Variants in CCR3 observed in about 807,000 individuals in gnomAD.
CCR3 encodes C-C motif chemokine receptor 3.
For synonymous variants in CCR3, 203 were observed against 179.2 expected (o/e 1.13, Z -1.06); for missense variants, 419 against 437.5 (o/e 0.96, Z 0.38).
At chr3:46,212,049 C>A (rs1699720809) in intron 2 of CCR3, among the ~76,000 whole-genome samples, 1 of 152,166 alleles carries the variant, frequency 6.6e-6, no homozygotes. Flanking sequence ...CCTTTCATGA[C>A]CTGCACACAT....
At position 46,266,071 on chromosome 3, in the gene CCR3, G is replaced by A; in HGVS notation, c.913G>A (p.Gly305Arg). 1 of 1,614,022 alleles carries A rather than the reference G, an allele frequency of 6.2e-7. No individual in the cohort carries two copies. Among genetic ancestry groups the A allele is most frequent in the East Asian group, 2.2e-5 (1 of 44,872 alleles). The change falls in exon 2 of 2, where the codon GGA (glycine) becomes AGA (arginine). Residue 305 changes from glycine to arginine, a missense_variant. Transcript: ENST00000395940. ...CMNPVIYAFVGERFRKYLRHF... is the reference protein window; with the variant it reads ...CMNPVIYAFVRERFRKYLRHF... Reference sequence around the variant, plus strand: ...GAACCCGGTGATCTACGCCTTTGTTGGAGAGAGGTTCCGGAAGTACCTGCG... The same window carrying A: ...GAACCCGGTGATCTACGCCTTTGTTAGAGAGAGGTTCCGGAAGTACCTGCG...
At chr3:46,236,190 A>C in intron 2 of CCR3, among the ~76,000 whole-genome samples, 1 of 152,204 alleles carries the variant, frequency 6.6e-6, no homozygotes, top group East Asian at 1.9e-4. Flanking sequence ...AACTCCATGC[A>C]GTTCGTGGCT....
At chr3:46,224,693 T>C (rs1412210233) in intron 2 of CCR3, among the ~76,000 whole-genome samples, 2 of 135,912 alleles carry the variant, frequency 1.5e-5, no homozygotes, top group African/African-American at 5.8e-5. Flanking sequence ...GCCGAGATCA[T>C]GCCACTGCAC....
At chr3:46,240,457 A>G (rs1377696093), upstream of CCR3, among the ~76,000 whole-genome samples, 1 of 150,926 alleles carries the variant, frequency 6.6e-6, no homozygotes, top group Non-Finnish European at 1.5e-5. Flanking sequence ...AACTCTCCCT[A>G]CCCCTTCCAC....
chr3:46,230,600 A>G (rs1440657686), intron 2 of CCR3, among the ~76,000 whole-genome samples: 1 of 152,102 alleles, frequency 6.6e-6, no homozygotes, highest in East Asian at 1.9e-4. Context: ...ACTGGTAAAA[A>G]GAAATGCACT....
intron 1 of CCR3, among the ~76,000 whole-genome samples, chr3:46,255,752 T>C (rs1386077976): frequency 2.6e-5 from 4 of 152,228 alleles, no homozygotes; most frequent in Admixed American, 6.5e-5. Context: ...TCCATTGGTC[T>C]ATATGCCTGT....
chr3:46,264,875 A>T, intron 1 of CCR3: 1 of 447,868 alleles, frequency 2.2e-6, no homozygotes, highest in Non-Finnish European at 3.9e-6. Flanking sequence ...AAATGCTTTC[A>T]GAAATCTGTA....
At chr3:46,253,552 G>A (rs945552708) in intron 1 of CCR3, among the ~76,000 whole-genome samples, 3 of 152,128 alleles carry the variant, frequency 2.0e-5, no homozygotes, top group Admixed American at 6.5e-5. Flanking sequence ...ACTTTCGGAT[G>A]CTGTGAAATG....
chr3:46,217,083 C>T (rs773849695), intron 2 of CCR3, among the ~76,000 whole-genome samples: 1 of 152,144 alleles, frequency 6.6e-6, no homozygotes, highest in African/African-American at 2.4e-5. Context: ...ATCCACCAAA[C>T]TCACATAAAC....
chr3:46,215,537 C>T (rs1316438298), intron 2 of CCR3, among the ~76,000 whole-genome samples: 5 of 152,204 alleles, frequency 3.3e-5, no homozygotes, highest in Admixed American at 6.5e-5. Flanking sequence ...TCAGGCCCCA[C>T]CACAGGTTTA....
chr3:46,243,208 G>A (rs1392077319), intron 1 of CCR3, among the ~76,000 whole-genome samples: 3 of 151,582 alleles, frequency 2.0e-5, no homozygotes, highest in East Asian at 3.9e-4. Flanking sequence ...CTAATACAAC[G>A]CATACAGAGC....
chr3:46,215,892 C>T (rs1699768809), intron 2 of CCR3, among the ~76,000 whole-genome samples: 1 of 152,082 alleles, frequency 6.6e-6, no homozygotes, highest in Non-Finnish European at 1.5e-5. Flanking sequence ...CTAGGCTGCC[C>T]CTATAGATGG....
intron 1 of CCR3, among the ~76,000 whole-genome samples, chr3:46,258,989 A>T (rs1027026711): frequency 4.6e-5 from 7 of 152,212 alleles, no homozygotes; most frequent in Admixed American, 6.5e-5. Context: ...ACAGCATTTT[A>T]AAAAATATGG....
At chr3:46,230,645 C>A (rs774413878) in intron 2 of CCR3, among the ~76,000 whole-genome samples, 3 of 152,124 alleles carry the variant, frequency 2.0e-5, no homozygotes, top group Non-Finnish European at 4.4e-5. Flanking sequence ...TTGAACAAGA[C>A]AGGGTACCTA....
chr3:46,246,930 G>A (rs1700205176), intron 1 of CCR3, among the ~76,000 whole-genome samples: 1 of 151,894 alleles, frequency 6.6e-6, no homozygotes, highest in African/African-American at 2.4e-5. Flanking sequence ...GATATTGTGG[G>A]GATGTTAGAA....
upstream of CCR3, among the ~76,000 whole-genome samples, chr3:46,238,326 A>G (rs898543431): frequency 1.3e-5 from 2 of 152,030 alleles, no homozygotes; most frequent in Non-Finnish European, 2.9e-5. Flanking sequence ...CATTTTCCTA[A>G]TGACTAACAA....
At chr3:46,231,319 A>C (rs940166463) in intron 2 of CCR3, among the ~76,000 whole-genome samples, 1 of 152,250 alleles carries the variant, frequency 6.6e-6, no homozygotes, top group Non-Finnish European at 1.5e-5. Flanking sequence ...CCCTCCCTAC[A>C]TGACTTTCTG....
At chr3:46,239,247 C>A (rs148265706), upstream of CCR3, among the ~76,000 whole-genome samples, 1,533 of 152,268 alleles carry the variant, frequency 0.01, 9 homozygotes, top group South Asian at 0.043. Flanking sequence ...CAATCTCTTG[C>A]GAATTAGCTA....
At chr3:46,243,033 A>C (rs1700124174) in intron 1 of CCR3, among the ~76,000 whole-genome samples, 1 of 149,000 alleles carries the variant, frequency 6.7e-6, no homozygotes. Flanking sequence ...TTATATATAC[A>C]AAGTCCTCCC....
Sources: gnomAD v4.1 joint callset for allele counts (sites outside exome capture counted in the v4.1 genomes callset) on GRCh38, gnomAD v4.1.1 for gene constraint, MANE v1.5 for transcripts, NCBI Gene and HGNC (gene_info 2026-07-23, HGNC 2026-07-21) for gene names.